CLVS1: variants seen among roughly 807,000 people sequenced by gnomAD.
CLVS1 encodes clavesin 1.
Under a neutral mutation model 33.1 loss-of-function variants are expected in CLVS1, and 10 were observed. That is an observed-to-expected ratio of 0.30 (90% CI 0.19 to 0.51). CLVS1 has a LOEUF of 0.51. CLVS1 is among the 20% of genes least tolerant of loss of function. The pLI is 0.97. For missense variants in CLVS1, 343 were observed against 433.4 expected, an observed-to-expected ratio of 0.79 and a Z score of 1.85; for synonymous variants, 163 against 166.1, an observed-to-expected ratio of 0.98 and a Z score of 0.14.
At chr8:61,457,900 G>A (rs959622679) in intron 4 of CLVS1, among the ~76,000 whole-genome samples, 12 of 152,208 alleles carry the variant, frequency 7.9e-5, no homozygotes, top group Non-Finnish European at 1.6e-4. Flanking sequence ...GTCTAGGCCA[G>A]GGAAGGGGGG....
intron 2 of CLVS1, among the ~76,000 whole-genome samples, chr8:61,170,042 T>C (rs987048568): frequency 3.9e-5 from 6 of 152,294 alleles, no homozygotes; most frequent in African/African-American, 1.4e-4. Context: ...AAAGTGTACA[T>C]TTGTAAATTT....
At chr8:61,206,096 G>C (rs1167232043) in intron 2 of CLVS1, among the ~76,000 whole-genome samples, 1 of 152,092 alleles carries the variant, frequency 6.6e-6, no homozygotes. Context: ...TACTTTTCTA[G>C]TTCATTTTCA....
intron 3 of CLVS1, among the ~76,000 whole-genome samples, chr8:61,406,160 A>T (rs952374820): frequency 6.6e-6 from 1 of 152,204 alleles, no homozygotes; most frequent in Admixed American, 6.5e-5. Flanking sequence ...AGTAAGATGG[A>T]GGCCAAATTG....
intron 3 of CLVS1, among the ~76,000 whole-genome samples, chr8:61,436,253 T>TAAAAC (rs948052149): frequency 6.6e-6 from 1 of 152,174 alleles, no homozygotes; most frequent in Non-Finnish European, 1.5e-5. Flanking sequence ...TATCTCATCT[T>TAAAAC]AAAACAAAAC....
Position 61,453,165 on chromosome 8 carries a change from C to T in CLVS1, c.631-976C>T, listed in dbSNP as rs935164952. On this transcript the variant is annotated intron_variant, in intron 3 of 5. Coordinates refer to ENST00000325897, the MANE Select transcript of CLVS1 (RefSeq NM_173519.3). Reference sequence around the variant, plus strand: ...GCAATGAAATTGATAGCAAACTTGACGATTCATACAGCGTTTAGAGATTCC... The same window carrying T: ...GCAATGAAATTGATAGCAAACTTGATGATTCATACAGCGTTTAGAGATTCC... Among the ~76,000 whole-genome samples, 4 of 151,898 alleles carry T rather than the reference C, an allele frequency of 2.6e-5. No individual in the cohort carries two copies. In the South Asian group the frequency reaches 8.3e-4, roughly 32 times the overall value.
intron 3 of CLVS1, among the ~76,000 whole-genome samples, chr8:61,402,168 T>C (rs1193481982): frequency 6.6e-6 from 1 of 152,098 alleles, no homozygotes; most frequent in Non-Finnish European, 1.5e-5. Flanking sequence ...AATTCTAAAA[T>C]TCTTAGCAGC....
intron 1 of CLVS1, among the ~76,000 whole-genome samples, chr8:61,080,121 T>G (rs1466466793): frequency 6.6e-6 from 1 of 152,224 alleles, no homozygotes; most frequent in African/African-American, 2.4e-5. Context: ...TATAGTATTT[T>G]CTATTAACAG....
chr8:61,416,254 G>A (rs1815424989), intron 3 of CLVS1, among the ~76,000 whole-genome samples: 4 of 151,866 alleles, frequency 2.6e-5, no homozygotes, highest in East Asian at 1.9e-4. Flanking sequence ...TTCAACAATG[G>A]TTTCCTAGAA....
At chr8:61,373,022 G>A (rs1188163360) in intron 2 of CLVS1, among the ~76,000 whole-genome samples, 2 of 152,184 alleles carry the variant, frequency 1.3e-5, no homozygotes, top group African/African-American at 4.8e-5. Flanking sequence ...ACAATGCTCA[G>A]CTCACTTATG....
At chr8:61,419,712 T>C (rs1338288126) in intron 3 of CLVS1, among the ~76,000 whole-genome samples, 3 of 152,206 alleles carry the variant, frequency 2.0e-5, no homozygotes, top group Non-Finnish European at 4.4e-5. Flanking sequence ...CTGAATACCT[T>C]AGTTATTCTC....
At chr8:61,021,815 C>A in the CLVS1 span, among the ~76,000 whole-genome samples, 1 of 152,044 alleles carries the variant, frequency 6.6e-6, no homozygotes, top group African/African-American at 2.4e-5. Flanking sequence ...TTATGAATAA[C>A]CCTGTCACCC....
At chr8:61,465,649 C>T (rs1039870162) in intron 5 of CLVS1, 1 of 151,900 alleles carries the variant, frequency 6.6e-6, no homozygotes, top group Non-Finnish European at 1.5e-5. Flanking sequence ...ACTTTTTATT[C>T]CTGTTTTTTC....
At chr8:61,428,249 A>G (rs538655950) in intron 3 of CLVS1, among the ~76,000 whole-genome samples, 25 of 152,322 alleles carry the variant, frequency 1.6e-4, no homozygotes, top group African/African-American at 5.5e-4. Context: ...ATTTAGCTGA[A>G]TTTAGGATGC....
At chr8:61,429,542 G>A (rs750167220) in intron 3 of CLVS1, among the ~76,000 whole-genome samples, 100 of 151,624 alleles carry the variant, frequency 6.6e-4, no homozygotes, top group Non-Finnish European at 6.3e-4. Flanking sequence ...TGATGGCAGA[G>A]TCCTCCAGAT....
At chr8:61,213,058 C>A (rs1808005560) in intron 2 of CLVS1, among the ~76,000 whole-genome samples, 1 of 151,966 alleles carries the variant, frequency 6.6e-6, no homozygotes, top group South Asian at 2.1e-4. Context: ...TCCCAGGTAG[C>A]ATTTAATATT....
At chr8:61,138,957 G>A in intron 2 of CLVS1, among the ~76,000 whole-genome samples, 1 of 152,284 alleles carries the variant, frequency 6.6e-6, no homozygotes, top group East Asian at 1.9e-4. Context: ...TCTTGCAGGA[G>A]AGGAAAGTCG....
In CLVS1 at chr8:61,067,988, T is replaced by TGAGAGAGA. The variant is rs35869191; in HGVS notation, c.-243+10771_-243+10778dup. On this transcript the variant is annotated intron_variant, in intron 1 of 2. Coordinates refer to the CLVS1 transcript ENST00000522621. Reference sequence around the variant, plus strand: ...CTAAATCTAAAACGAAACTTGATATTGAGAGAGAGAGAGAGAGAGACCTTG... The same window carrying TGAGAGAGA: ...CTAAATCTAAAACGAAACTTGATATTGAGAGAGAGAGAGAGAGAGAGAGAGAGACCTTG... Among the ~76,000 whole-genome samples the TGAGAGAGA allele has an allele frequency of 2.8e-5, 4 of 143,134 alleles. No individual in the cohort carries two copies. The East Asian group carries it at 6.1e-4, about 22-fold the overall frequency. 93.9% of individuals were successfully genotyped at this position (143,134 alleles called of 152,430 possible).
the CLVS1 span, among the ~76,000 whole-genome samples, chr8:60,994,329 A>T: frequency 6.6e-6 from 1 of 152,142 alleles, no homozygotes; most frequent in Non-Finnish European, 1.5e-5. Flanking sequence ...ATACAGTCAC[A>T]CTCTGAGGGG....
At chr8:61,370,101 T>G (rs982173259) in intron 2 of CLVS1, among the ~76,000 whole-genome samples, 2 of 152,194 alleles carry the variant, frequency 1.3e-5, no homozygotes, top group Non-Finnish European at 2.9e-5. Flanking sequence ...ACTTTGTGGT[T>G]TGTGGTGGAC....
Sources: gnomAD v4.1 joint callset for allele counts (sites outside exome capture counted in the v4.1 genomes callset) on GRCh38, gnomAD v4.1.1 for gene constraint, MANE v1.5 for transcripts, NCBI Gene and HGNC (gene_info 2026-07-23, HGNC 2026-07-21) for gene names.